The following SLC38A6 variants were observed in gnomAD, a reference collection of about 807,000 sequenced individuals.
SLC38A6 encodes the protein N system amino acid transporter NAT-1.
Under a neutral mutation model 65.0 loss-of-function variants are expected in SLC38A6, and 73 were observed. The observed-to-expected ratio is 1.12, with a 90% confidence interval of 0.93 to 1.37. SLC38A6 has a LOEUF of 1.37. SLC38A6 is among the 40% of genes most tolerant of loss of function. The pLI is 0.00. For synonymous variants in SLC38A6, 183 were observed against 178.8 expected, an observed-to-expected ratio of 1.02 and a Z score of -0.19; for missense variants, 561 against 531.1, an observed-to-expected ratio of 1.06 and a Z score of -0.55.
chr14:61,023,209 A>G (rs2040430371), intron 5 of SLC38A6, among the ~76,000 whole-genome samples: 1 of 152,218 alleles, frequency 6.6e-6, no homozygotes. Context: ...GTTTAGAATT[A>G]TATAAAAATT....
At chr14:61,074,040 C>G (rs145077700) in intron 15 of SLC38A6, 1 of 152,138 alleles carries the variant, frequency 6.6e-6, no homozygotes, top group Admixed American at 6.6e-5. Context: ...AAATAACATA[C>G]AAAATGTGTG....
chr14:61,050,174 AAATTC>A (rs546834270), intron 12 of SLC38A6, among the ~76,000 whole-genome samples: 12 of 152,336 alleles, frequency 7.9e-5, no homozygotes, highest in African/African-American at 2.9e-4. Context: ...CATGGGGACT[AAATTC>A]AACAACACGT....
intron 5 of SLC38A6, among the ~76,000 whole-genome samples, chr14:61,028,581 C>G (rs1038980244): frequency 1.3e-5 from 2 of 152,026 alleles, no homozygotes; most frequent in African/African-American, 4.8e-5. Flanking sequence ...AGAATATGAA[C>G]AATACAGAAC....
At chr14:60,996,006 C>A (rs1302761309) in intron 3 of SLC38A6, among the ~76,000 whole-genome samples, 1 of 152,020 alleles carries the variant, frequency 6.6e-6, no homozygotes, top group African/African-American at 2.4e-5. Flanking sequence ...AAAAGTGAAC[C>A]CTATAATGTA....
chr14:60,986,617 T>C (rs2037469189), intron 3 of SLC38A6, among the ~76,000 whole-genome samples: 1 of 152,242 alleles, frequency 6.6e-6, no homozygotes, highest in Non-Finnish European at 1.5e-5. Context: ...GCATCCTGAA[T>C]TTAGGAATAA....
chr14:61,048,806 G>A (rs903718168), intron 12 of SLC38A6, among the ~76,000 whole-genome samples: 2 of 152,244 alleles, frequency 1.3e-5, no homozygotes. Flanking sequence ...CCCAAATGTT[G>A]CATAATAACC....
chr14:61,026,831 T>C (rs576384435), intron 5 of SLC38A6, among the ~76,000 whole-genome samples: 45 of 152,182 alleles, frequency 3.0e-4, no homozygotes, highest in African/African-American at 1.1e-3. Context: ...TGTGTAAAGA[T>C]TAAGTGAGGA....
chr14:61,024,231 GA>G (rs2040493927), intron 5 of SLC38A6, among the ~76,000 whole-genome samples: 2 of 151,954 alleles, frequency 1.3e-5, no homozygotes, highest in South Asian at 2.1e-4. Context: ...TTTTATAATG[GA>G]AAAAAATGCA....
At chr14:61,009,317 A>G (rs1160801150) in intron 3 of SLC38A6, among the ~76,000 whole-genome samples, 1 of 152,190 alleles carries the variant, frequency 6.6e-6, no homozygotes, top group Admixed American at 6.6e-5. Context: ...CCAAAATTAC[A>G]TCAATCTGCA....
At chr14:61,049,982 T>A (rs1396764185) in intron 12 of SLC38A6, among the ~76,000 whole-genome samples, 2 of 152,114 alleles carry the variant, frequency 1.3e-5, no homozygotes, top group Admixed American at 6.6e-5. Flanking sequence ...AAAACATGAA[T>A]CCACAGATGA....
Position 61,046,211 on chromosome 14 carries a change from T to C in SLC38A6, c.925+44T>C, listed in dbSNP as rs80262120. 557 of 1,287,588 alleles carry C rather than the reference T, an allele frequency of 4.3e-4. 2 individuals are homozygous for C. In the African/African-American group the frequency reaches 7.3e-3, roughly 17 times the overall value. The allele number at this position is 1,287,588 out of a possible 1,614,324, so 79.8% of individuals were successfully genotyped here. ...TATAGATGACAAAATAATAGTTACA[T>C]AGATGGCCTCACGCCAATCTATAGA... On this transcript the variant is annotated intron_variant, in intron 12 of 15. Coordinates refer to ENST00000267488, the MANE Select transcript of SLC38A6 (RefSeq NM_153811.3).
At chr14:61,074,709 C>T (rs12890873) in intron 15 of SLC38A6, among the ~76,000 whole-genome samples, 10 of 74,444 alleles carry the variant, frequency 1.3e-4, no homozygotes, top group South Asian at 3.9e-4. Context: ...CTCCCTCCCT[C>T]CCTTCCTTCC....
intron 6 of SLC38A6, among the ~76,000 whole-genome samples, chr14:61,035,008 A>G (rs778446076): frequency 1.3e-5 from 2 of 152,178 alleles, no homozygotes; most frequent in Non-Finnish European, 2.9e-5. Context: ...ACCTTTGCCT[A>G]ATTTAACATG....
Position 61,037,642 on chromosome 14 carries a change from A to G in SLC38A6, c.583A>G (p.Ser195Gly), listed in dbSNP as rs779164490. The G allele has an allele frequency of 1.3e-6, 2 of 1,594,774 alleles. No individual in the cohort carries two copies. The highest frequency in any genetic ancestry group is 8.6e-7 in the Non-Finnish European group (1 of 1,167,810). ...LPKIGFLGYTSSLSFFFMMFF... is the reference protein window; with the variant it reads ...LPKIGFLGYTGSLSFFFMMFF... ...TTTTACAGGCTTTCTTGGCTACACAAGTAGTTTATCATTTTTCTTTATGAT... is the reference window on the plus strand; with the variant it reads ...TTTTACAGGCTTTCTTGGCTACACAGGTAGTTTATCATTTTTCTTTATGAT... The change falls in exon 8 of 16, where the codon AGT becomes GGT. Residue 195 changes from serine (S) to glycine (G), a missense_variant. Transcript: ENST00000267488.
intron 3 of SLC38A6, among the ~76,000 whole-genome samples, chr14:61,008,122 T>C (rs1347690352): frequency 1.3e-5 from 2 of 152,186 alleles, no homozygotes; most frequent in Non-Finnish European, 2.9e-5. Context: ...AATCAAATTA[T>C]ATATCTCAAA....
chr14:61,023,620 T>C lies in SLC38A6; in HGVS notation c.403+4040T>C, dbSNP rs143035202. On this transcript the variant is annotated intron_variant, in intron 5 of 15. Coordinates refer to ENST00000267488, the MANE Select transcript of SLC38A6 (RefSeq NM_153811.3). ...ATATATACACACACACACACACACA[T>C]ATATGTAAAATATCTATTATTTTCA... Among the ~76,000 whole-genome samples, 650 of 148,058 alleles carry C rather than the reference T, an allele frequency of 4.4e-3. 8 individuals are homozygous for C. Among genetic ancestry groups the C allele is most frequent in the African/African-American group, 0.014 (564 of 39,702 alleles).
chr14:61,064,505 T>G (rs767133158), intron 15 of SLC38A6, among the ~76,000 whole-genome samples: 5 of 151,298 alleles, frequency 3.3e-5, no homozygotes, highest in Non-Finnish European at 7.4e-5. Context: ...TGCACAAAAC[T>G]TAGTAGCAAG....
At chr14:60,991,385 A>G (rs2037873349) in intron 3 of SLC38A6, among the ~76,000 whole-genome samples, 1 of 152,192 alleles carries the variant, frequency 6.6e-6, no homozygotes, top group Non-Finnish European at 1.5e-5. Context: ...TATTCATTTA[A>G]TCTTCATAAT....
chr14:61,035,434 T>C (rs114560688), intron 6 of SLC38A6, among the ~76,000 whole-genome samples: 39 of 152,314 alleles, frequency 2.6e-4, no homozygotes, highest in African/African-American at 9.4e-4. Context: ...GTTCTAAATA[T>C]TTTCAAATGT....
Sources: allele counts gnomAD v4.1 joint callset (sites outside exome capture counted in the v4.1 genomes callset), GRCh38; gene constraint gnomAD v4.1.1; transcripts MANE v1.5; gene names NCBI Gene and HGNC (gene_info 2026-07-23, HGNC 2026-07-21).